The following NEMP2 variants were observed in gnomAD, a reference collection of about 807,000 sequenced individuals.
NEMP2 encodes UPF0571 transmembrane protein.
Under a neutral mutation model 54.2 loss-of-function variants are expected in NEMP2, and 53 were observed. The ratio of observed to expected loss-of-function variants is 0.98; its 90% confidence interval spans 0.78 to 1.23. NEMP2 has a LOEUF of 1.23. NEMP2 is among the 50% of genes most tolerant of loss of function. The pLI is 0.00. For synonymous variants in NEMP2, 197 were observed against 190.3 expected (o/e 1.04, Z -0.29); for missense variants, 455 against 511.3 (o/e 0.89, Z 1.06).
chr2:190,587,815 C>T, the NEMP2 span, among the ~76,000 whole-genome samples: 5 of 152,246 alleles, frequency 3.3e-5, no homozygotes, highest in African/African-American at 9.6e-5. This position sits in a 1 kb window ranked among gnomAD's most constrained non-coding sequence, Gnocchi z 5.4. Context: ...TCAAATAGTG[C>T]GCTGCTTGTT....
At chr2:190,567,082 A>G in the NEMP2 span, among the ~76,000 whole-genome samples, 1 of 152,194 alleles carries the variant, frequency 6.6e-6, no homozygotes, top group Non-Finnish European at 1.5e-5. This position sits in a 1 kb window ranked among gnomAD's most constrained non-coding sequence, Gnocchi z 4.0. Flanking sequence ...ATGCTAATTT[A>G]TAGCCTGAAA....
At chr2:190,555,374 G>T in the NEMP2 span, among the ~76,000 whole-genome samples, 3 of 151,892 alleles carry the variant, frequency 2.0e-5, no homozygotes, top group African/African-American at 7.3e-5. The surrounding 1 kb of genome is among the most constrained non-coding windows in gnomAD (Gnocchi z 4.8). Context: ...AAACTCCTTC[G>T]AGCTAAAGGA....
chr2:190,593,381 G>A, the NEMP2 span, among the ~76,000 whole-genome samples: 3 of 152,192 alleles, frequency 2.0e-5, no homozygotes, highest in African/African-American at 2.4e-5. This position sits in a 1 kb window ranked among gnomAD's most constrained non-coding sequence, Gnocchi z 4.5. Context: ...TGTCCCATGC[G>A]GTCATTCAGA....
the NEMP2 span, among the ~76,000 whole-genome samples, chr2:190,596,224 G>C: frequency 6.6e-6 from 1 of 152,158 alleles, no homozygotes; most frequent in Non-Finnish European, 1.5e-5. This position sits in a 1 kb window ranked among gnomAD's most constrained non-coding sequence, Gnocchi z 5.1. Context: ...ACAGGGAAGG[G>C]AACATCACAC....
the NEMP2 span, among the ~76,000 whole-genome samples, chr2:190,475,137 C>T: frequency 6.6e-6 from 1 of 152,120 alleles, no homozygotes; most frequent in African/African-American, 2.4e-5. Context: ...TGGAAGCATT[C>T]CCTTTGAAAA....
the NEMP2 span, among the ~76,000 whole-genome samples, chr2:190,441,374 A>C: frequency 1.3e-5 from 2 of 151,952 alleles, no homozygotes; most frequent in Admixed American, 1.3e-4. Flanking sequence ...CGAGGCATTC[A>C]ACGTTTTTAC....
At chr2:190,624,785 G>A in the NEMP2 span, 2 of 152,156 alleles carry the variant, frequency 1.3e-5, no homozygotes, top group Non-Finnish European at 2.9e-5. Flanking sequence ...GTGGATTCAT[G>A]GTTACCAGAG....
chr2:190,606,674 G>A, the NEMP2 span, among the ~76,000 whole-genome samples: 6 of 152,132 alleles, frequency 3.9e-5, no homozygotes, highest in East Asian at 5.8e-4. Context: ...TCGTGCCACT[G>A]CACTCCAGCC....
At chr2:190,552,214 C>A in the NEMP2 span, among the ~76,000 whole-genome samples, 6 of 152,152 alleles carry the variant, frequency 3.9e-5, no homozygotes, top group Admixed American at 3.3e-4. Flanking sequence ...TTGCTTCCCC[C>A]CTTGCTTCCT....
chr2:190,551,081 G>A, the NEMP2 span, among the ~76,000 whole-genome samples: 1 of 98,362 alleles, frequency 1.0e-5, no homozygotes, highest in Non-Finnish European at 2.2e-5. Flanking sequence ...ATAGCCAATG[G>A]ACTTTTTTTT....
chr2:190,517,969 G>A (rs1690620736), intron 4 of NEMP2, among the ~76,000 whole-genome samples: 1 of 152,194 alleles, frequency 6.6e-6, no homozygotes, highest in Admixed American at 6.5e-5. Flanking sequence ...CTGCTCAGTG[G>A]AGGATTTGGG....
chr2:190,629,632 C>T, the NEMP2 span: 1 of 152,092 alleles, frequency 6.6e-6, no homozygotes, highest in Admixed American at 6.5e-5. Context: ...GAGCAGCAGA[C>T]CATCCACGTC....
chr2:190,601,664 TA>T, the NEMP2 span, among the ~76,000 whole-genome samples: 2 of 152,146 alleles, frequency 1.3e-5, no homozygotes, highest in South Asian at 4.1e-4. The surrounding 1 kb of genome is among the most constrained non-coding windows in gnomAD (Gnocchi z 5.8). Context: ...ACGCAAATGA[TA>T]AAAACCTGTG....
the NEMP2 span, among the ~76,000 whole-genome samples, chr2:190,471,111 G>A: frequency 1.3e-5 from 2 of 152,158 alleles, no homozygotes; most frequent in African/African-American, 2.4e-5. This position sits in a 1 kb window ranked among gnomAD's most constrained non-coding sequence, Gnocchi z 4.7. Flanking sequence ...ACAGGAGGGT[G>A]GAGCCAAGAT....
chr2:190,494,625 A>G, the NEMP2 span, among the ~76,000 whole-genome samples: 2 of 152,170 alleles, frequency 1.3e-5, no homozygotes, highest in Non-Finnish European at 2.9e-5. The surrounding 1 kb of genome is among the most constrained non-coding windows in gnomAD (Gnocchi z 5.7). Flanking sequence ...ATCGAATCCA[A>G]CAGCATGTCA....
the NEMP2 span, among the ~76,000 whole-genome samples, chr2:190,593,358 A>C: frequency 6.6e-6 from 1 of 152,240 alleles, no homozygotes; most frequent in Non-Finnish European, 1.5e-5. This position sits in a 1 kb window ranked among gnomAD's most constrained non-coding sequence, Gnocchi z 4.5. Context: ...AATGGAGGCC[A>C]GCCAGAGGGC....
chr2:190,605,238 T>C, the NEMP2 span, among the ~76,000 whole-genome samples: 1 of 152,088 alleles, frequency 6.6e-6, no homozygotes, highest in East Asian at 1.9e-4. Flanking sequence ...CTTGGCATGG[T>C]ATAGAGGACC....
the NEMP2 span, chr2:190,610,612 T>C: frequency 6.6e-6 from 1 of 152,238 alleles, no homozygotes; most frequent in Non-Finnish European, 1.5e-5. The surrounding 1 kb of genome is among the most constrained non-coding windows in gnomAD (Gnocchi z 5.4). Context: ...TTTCCAACTG[T>C]GTCCTCTTAC....
the NEMP2 span, among the ~76,000 whole-genome samples, chr2:190,595,269 A>C: frequency 6.6e-6 from 1 of 152,230 alleles, no homozygotes; most frequent in African/African-American, 2.4e-5. This position sits in a 1 kb window ranked among gnomAD's most constrained non-coding sequence, Gnocchi z 4.0. Context: ...TGGATTAAAG[A>C]CTTAAATGTA....
Sources: allele counts gnomAD v4.1 joint callset (sites outside exome capture counted in the v4.1 genomes callset), GRCh38; gene constraint gnomAD v4.1.1; non-coding constraint Gnocchi (gnomAD v3.1); transcripts MANE v1.5; gene names NCBI Gene and HGNC (gene_info 2026-07-23, HGNC 2026-07-21).